GLYR1: variants seen among roughly 807,000 people sequenced by gnomAD.
GLYR1 encodes the protein glyoxylate reductase 1 homolog.
A neutral mutation model predicts 72.7 loss-of-function variants in GLYR1; 21 were observed. That is an observed-to-expected ratio of 0.29 (90% CI 0.20 to 0.42). GLYR1 has a LOEUF of 0.42. Ranked by LOEUF, GLYR1 falls within the 10% of genes least tolerant of loss-of-function variation. The pLI is 1.00. For missense variants in GLYR1, 594 were observed against 712.1 expected (o/e 0.83, Z 1.89); for synonymous variants, 392 against 270.2 (o/e 1.45, Z -4.42).
chr16:4,808,173 C>A (rs2083108221), intron 15 of GLYR1, among the ~76,000 whole-genome samples: 1 of 143,626 alleles, frequency 7.0e-6, no homozygotes, highest in Non-Finnish European at 1.5e-5. Context: ...GAGGTGGGGG[C>A]TGCAGTGAAC....
chr16:4,825,190 G>A (rs542235826), intron 5 of GLYR1, among the ~76,000 whole-genome samples: 2 of 152,328 alleles, frequency 1.3e-5, no homozygotes, highest in South Asian at 4.1e-4. Flanking sequence ...CTGCCTTCCA[G>A]TCTCACATAG....
Position 4,813,723 on chromosome 16 carries a change from A to G in GLYR1, c.1119+14T>C, listed in dbSNP as rs765933936. Reference sequence around the variant, plus strand: ...GAAAAGATGCTGGAGAGCCAGCCCAAGGAAGGCTGCTACCTGGGCCAGCTC... The same window carrying G: ...GAAAAGATGCTGGAGAGCCAGCCCAGGGAAGGCTGCTACCTGGGCCAGCTC... On this transcript the variant is annotated intron_variant, in intron 12 of 15. Transcript: ENST00000321919. The G allele has an allele frequency of 6.3e-7, 1 of 1,577,766 alleles. No individual in the cohort carries two copies. The highest frequency in any genetic ancestry group is 2.3e-5 in the East Asian group (1 of 43,410).
intron 13 of GLYR1, 82 bp downstream of exon 13, chr16:4,812,004 G>C: frequency 1.3e-6 from 2 of 1,525,560 alleles, no homozygotes; most frequent in Non-Finnish European, 1.8e-6. Context: ...CAGAAAGGCC[G>C]TGTGGGACTG....
chr16:4,816,563 G>A (rs535971287), intron 10 of GLYR1, among the ~76,000 whole-genome samples: 1 of 151,988 alleles, frequency 6.6e-6, no homozygotes, highest in South Asian at 2.1e-4. Flanking sequence ...GTATTCCTTT[G>A]AATTTTATTT....
chr16:4,835,539 A>G (rs1352112737), intron 3 of GLYR1, among the ~76,000 whole-genome samples: 1 of 152,196 alleles, frequency 6.6e-6, no homozygotes, highest in Non-Finnish European at 1.5e-5. Flanking sequence ...CAGCCATAAA[A>G]AACCAGCTTG....
At chr16:4,815,980 A>C (rs2083614913) in intron 10 of GLYR1, among the ~76,000 whole-genome samples, 1 of 151,888 alleles carries the variant, frequency 6.6e-6, no homozygotes, top group African/African-American at 2.4e-5. Context: ...ACGGGGTTTC[A>C]CCGAGGTCTC....
In GLYR1 at chr16:4,825,672, G is replaced by C. The variant is rs2084336385; in HGVS notation, c.538-1765C>G. 2.0e-5 allele frequency among the ~76,000 whole-genome samples: 3 copies of C among 148,036 alleles called. No individual in the cohort carries two copies. In the South Asian group the frequency reaches 6.3e-4, roughly 31 times the overall value. ...TATCATCTTCTTTTTTTTTTTTTGA[G>C]ACGGAGTCTTGCTCTGTAGCCCAGG... On this transcript the variant is annotated intron_variant, in intron 5 of 15. Transcript: ENST00000321919.
At chr16:4,834,026 G>A (rs1476779830) in intron 3 of GLYR1, among the ~76,000 whole-genome samples, 1 of 152,228 alleles carries the variant, frequency 6.6e-6, no homozygotes, top group Non-Finnish European at 1.5e-5. Context: ...TTCATAGAAA[G>A]CTAGAGAATA....
chr16:4,805,066 CAG>C lies in GLYR1; in HGVS notation c.*168_*169del, dbSNP rs1243959292. Reference sequence around the variant, plus strand: ...ACACTTGTCCCCTCCCCACCGGCCTCAGGGGAAGGGTGCTGCTGTGTGCTGTG... The same window carrying C: ...ACACTTGTCCCCTCCCCACCGGCCTCGGGAAGGGTGCTGCTGTGTGCTGTG... On this transcript the variant is annotated 3_prime_UTR_variant, in exon 16 of 16. Transcript: ENST00000321919. 2 of 636,496 alleles carry C rather than the reference CAG, an allele frequency of 3.1e-6. No homozygotes were observed. Among genetic ancestry groups the C allele is most frequent in the Non-Finnish European group, 5.7e-6 (2 of 353,870 alleles). The allele number at this position is 636,496 out of a possible 1,614,324, so 39.4% of individuals were successfully genotyped here. A position where few individuals can be genotyped will look rare whatever the true frequency, so the allele number is the denominator to read the frequency against.
chr16:4,846,975 C>A, intron 1 of GLYR1: 1 of 521,248 alleles, frequency 1.9e-6, no homozygotes. Flanking sequence ...AGTATCTGGG[C>A]CCCGAGTGCA....
chr16:4,809,761 T>C (rs1277608162), intron 15 of GLYR1, among the ~76,000 whole-genome samples: 4 of 151,384 alleles, frequency 2.6e-5, no homozygotes, highest in Admixed American at 2.6e-4. Context: ...TCATCTCTAC[T>C]AAAAATACAA....
intron 3 of GLYR1, among the ~76,000 whole-genome samples, chr16:4,842,762 C>T (rs140832596): frequency 2.0e-5 from 3 of 152,258 alleles, no homozygotes; most frequent in African/African-American, 7.2e-5. Context: ...TGCAGTGGCG[C>T]GATCTCAGCT....
At chr16:4,833,070 G>C (rs956773050) in intron 3 of GLYR1, 158 bp from the exon 4 acceptor site, 8 of 552,168 alleles carry the variant, frequency 1.4e-5, no homozygotes, top group Non-Finnish European at 1.8e-5. Context: ...AACCATCTCA[G>C]AGTCTTATGT....
rs915415775 is a variant in GLYR1, at chr16:4,804,094, C to G, written c.*1142G>C. The G allele has an allele frequency of 2.0e-5, 3 of 152,212 alleles. No homozygotes were observed. Among genetic ancestry groups the G allele is most frequent in the Non-Finnish European group, 2.9e-5 (2 of 68,098 alleles). 9.4% of individuals were successfully genotyped at this position (152,212 alleles called of 1,614,324 possible). ...TGATGCTGGCTGGAGTGAAGACACTCGTTTCCGTATCAAGAGCTGAGCCTA... is the reference window on the plus strand; with the variant it reads ...TGATGCTGGCTGGAGTGAAGACACTGGTTTCCGTATCAAGAGCTGAGCCTA... On this transcript the variant is annotated 3_prime_UTR_variant, in exon 16 of 16. Transcript: ENST00000321919.
Position 4,810,699 on chromosome 16 carries a change from T to TAAAAA in GLYR1, c.1587+466_1587+470dup, listed in dbSNP as rs551202037. The stretch of plus-strand genomic sequence containing the variant: ...TAACATGGTGAAACCCTGTCTCTAC[T>TAAAAA]AAAAAAAAAAAAAAAAAAAAAAAAA... On this transcript the variant is annotated intron_variant, in intron 15 of 15. Coordinates refer to ENST00000321919, the MANE Select transcript of GLYR1 (RefSeq NM_032569.4). Among the ~76,000 whole-genome samples, 107 of 21,820 alleles carry TAAAAA rather than the reference T, an allele frequency of 4.9e-3. 10 individuals carry two copies. Among genetic ancestry groups the TAAAAA allele is most frequent in the Non-Finnish European group, 5.2e-3 (71 of 13,604 alleles). 14.3% of individuals were successfully genotyped at this position (21,820 alleles called of 152,430 possible). A position where few individuals can be genotyped will look rare whatever the true frequency, so the allele number is the denominator to read the frequency against.
At chr16:4,843,673 T>C (rs1049845735) in intron 3 of GLYR1, 1 of 1,263,732 alleles carries the variant, frequency 7.9e-7, no homozygotes, top group Non-Finnish European at 1.0e-6. Context: ...CTGTTTATAA[T>C]ATATCGCTTT....
chr16:4,833,822 G>T (rs1283326214), intron 3 of GLYR1, among the ~76,000 whole-genome samples: 2 of 152,134 alleles, frequency 1.3e-5, no homozygotes, highest in African/African-American at 2.4e-5. Context: ...GCTGCAGCTG[G>T]CTTTCTATGG....
In GLYR1 at chr16:4,822,804, C is replaced by G. The variant is rs532189829; in HGVS notation, c.681+71G>C. ...GAGCCTAACTTTTCAGATGGCCAGG[C>G]CAGGACCCAGTGGAGGAGCACTCCT... is the stretch of plus-strand genomic sequence containing the variant. On this transcript the variant is annotated intron_variant, in intron 7 of 15. Coordinates refer to ENST00000321919, the MANE Select transcript of GLYR1 (RefSeq NM_032569.4). The G allele has an allele frequency of 1.3e-5, 17 of 1,316,236 alleles. No homozygotes were observed. In the African/African-American group the frequency reaches 1.7e-4, roughly 13 times the overall value. The allele number at this position is 1,316,236 out of a possible 1,614,324, so 81.5% of individuals were successfully genotyped here.
At chr16:4,830,724 TTC>T (rs1422512086) in intron 5 of GLYR1, among the ~76,000 whole-genome samples, 1 of 152,228 alleles carries the variant, frequency 6.6e-6, no homozygotes, top group Non-Finnish European at 1.5e-5. Context: ...TTTGAAATTC[TTC>T]TCTGTGGCCT....
Sources: gnomAD v4.1 joint callset for allele counts (sites outside exome capture counted in the v4.1 genomes callset) on GRCh38, gnomAD v4.1.1 for gene constraint, MANE v1.5 for transcripts, NCBI Gene and HGNC (gene_info 2026-07-23, HGNC 2026-07-21) for gene names.